The following TCF12 variants were observed in gnomAD, a reference collection of about 807,000 sequenced individuals.
TCF12 encodes transcription factor 12, also known as DNA-binding protein HTF4.
TCF12 carries 45 observed loss-of-function variants against 86.0 expected under a neutral mutation model. That is an observed-to-expected ratio of 0.52 (90% CI 0.41 to 0.67). TCF12 has a LOEUF of 0.67. TCF12 is among the 30% of genes least tolerant of loss of function. The pLI is 0.00. For missense variants in TCF12, 881 were observed against 859.9 expected, an observed-to-expected ratio of 1.02 and a Z score of -0.31; for synonymous variants, 330 against 299.6, an observed-to-expected ratio of 1.10 and a Z score of -1.05.
At chr15:57,218,920 T>A in intron 8 of TCF12, 1 of 527,284 alleles carries the variant, frequency 1.9e-6, no homozygotes, top group Non-Finnish European at 2.5e-6. Flanking sequence ...CATGATGGTC[T>A]GCTTTCTCCA....
At chr15:57,027,723 C>T (rs753619072) in intron 3 of TCF12, among the ~76,000 whole-genome samples, 28 of 152,136 alleles carry the variant, frequency 1.8e-4, no homozygotes, top group Non-Finnish European at 1.0e-4. Context: ...TGAACTGTAG[C>T]TCCCATAATC....
intron 3 of TCF12, among the ~76,000 whole-genome samples, chr15:56,977,840 A>G (rs1247498064): frequency 3.3e-5 from 5 of 152,128 alleles, no homozygotes; most frequent in African/African-American, 1.2e-4. Flanking sequence ...TATCAGAATC[A>G]CCTGGAGGAT....
At position 57,247,502 on chromosome 15, in the gene TCF12, A is replaced by G. The variant is rs187021085; in HGVS notation, c.1115-3848A>G. ...AATAGTGTGGCATTTCTGAACAACA[A>G]TTTTATCAACTGTATCATGATCATC... On this transcript the variant is annotated intron_variant, in intron 13 of 20. Coordinates refer to ENST00000333725, the MANE Select transcript of TCF12 (RefSeq NM_207037.2). 119 of 814,972 alleles carry G rather than the reference A, an allele frequency of 1.5e-4. No individual in the cohort carries two copies. In the East Asian group the frequency reaches 2.2e-3, roughly 15 times the overall value. The allele number at this position is 814,972 out of a possible 1,614,324, so 50.5% of individuals were successfully genotyped here.
In TCF12 at chr15:57,096,850, T is replaced by C. The variant is rs185464223; in HGVS notation, c.325+4959T>C. Among the ~76,000 whole-genome samples, 846 of 152,296 alleles carry C rather than the reference T, an allele frequency of 5.6e-3. 9 individuals carry two copies. Among genetic ancestry groups the C allele is most frequent in the African/African-American group, 0.02 (811 of 41,554 alleles). On this transcript the variant is annotated intron_variant, in intron 5 of 20. Transcript: ENST00000333725. ...AACTCATTTAACAGGTTGGGTCTAA[T>C]TGCTCAAGTATATTACTGTCAAACC...
chr15:57,004,440 G>A (rs1348690072), intron 3 of TCF12, among the ~76,000 whole-genome samples: 2 of 151,788 alleles, frequency 1.3e-5, no homozygotes, highest in African/African-American at 4.8e-5. Context: ...GCGGAGTCTA[G>A]CTCTGTCGCC....
intron 7 of TCF12, among the ~76,000 whole-genome samples, chr15:57,195,081 T>G (rs543786517): frequency 1.3e-5 from 2 of 152,246 alleles, no homozygotes; most frequent in Non-Finnish European, 2.9e-5. Context: ...TTTTGTATTT[T>G]TAGTAGAGAA....
chr15:57,182,104 C>G (rs1294870018), intron 6 of TCF12, among the ~76,000 whole-genome samples: 3 of 152,132 alleles, frequency 2.0e-5, no homozygotes, highest in Admixed American at 6.5e-5. Context: ...TCTATATCCT[C>G]TGGGATCGTT....
chr15:57,094,734 A>G (rs1451140595), intron 5 of TCF12, among the ~76,000 whole-genome samples: 2 of 152,246 alleles, frequency 1.3e-5, no homozygotes, highest in Non-Finnish European at 2.9e-5. Context: ...TAAAACTAAT[A>G]GGAAAGCAGT....
intron 16 of TCF12, among the ~76,000 whole-genome samples, chr15:57,260,326 A>T (rs1415063539): frequency 6.6e-6 from 1 of 152,214 alleles, no homozygotes; most frequent in African/African-American, 2.4e-5. Context: ...CTGATGAAGT[A>T]AAAGGAAATC....
At chr15:57,156,064 C>G (rs1415512737) in intron 5 of TCF12, among the ~76,000 whole-genome samples, 3 of 152,164 alleles carry the variant, frequency 2.0e-5, no homozygotes, top group Admixed American at 2.0e-4. Flanking sequence ...ATACTGACTT[C>G]AGTTTGCTGT....
chr15:57,104,130 G>T (rs1051633127), intron 5 of TCF12, among the ~76,000 whole-genome samples: 2 of 152,224 alleles, frequency 1.3e-5, no homozygotes, highest in African/African-American at 4.8e-5. Context: ...AAAATCTAAA[G>T]AATATCAAAA....
At chr15:56,938,046 T>C (rs2060548477) in intron 3 of TCF12, among the ~76,000 whole-genome samples, 1 of 70,918 alleles carries the variant, frequency 1.4e-5, no homozygotes, top group South Asian at 4.7e-4. Context: ...GTTTCTTTTC[T>C]TTTTTTTTTT....
intron 5 of TCF12, among the ~76,000 whole-genome samples, chr15:57,149,045 AAAT>A (rs2053566456): frequency 6.6e-6 from 1 of 152,224 alleles, no homozygotes; most frequent in Non-Finnish European, 1.5e-5. Context: ...TTTTCAGTAT[AAAT>A]TTTACTGTTA....
At chr15:57,166,632 C>T (rs1271331179) in intron 6 of TCF12, among the ~76,000 whole-genome samples, 166 bp downstream of exon 6, 2 of 152,148 alleles carry the variant, frequency 1.3e-5, no homozygotes, top group Admixed American at 1.3e-4. Context: ...TTTCAGTTCC[C>T]CAGTTTACCA....
chr15:57,024,048 C>T (rs1351846049), intron 3 of TCF12, among the ~76,000 whole-genome samples: 3 of 152,034 alleles, frequency 2.0e-5, no homozygotes, highest in Admixed American at 6.6e-5. Context: ...TACTGTGGAG[C>T]CTGGTTCCTA....
chr15:57,101,479 CG>C (rs1441796841), intron 5 of TCF12, among the ~76,000 whole-genome samples: 1 of 152,182 alleles, frequency 6.6e-6, no homozygotes, highest in Non-Finnish European at 1.5e-5. Flanking sequence ...CAAAGTGCTA[CG>C]ATTACAAGCG....
chr15:56,983,714 C>CA (rs1383120180), intron 3 of TCF12, among the ~76,000 whole-genome samples: 8 of 151,688 alleles, frequency 5.3e-5, no homozygotes, highest in African/African-American at 1.9e-4. Context: ...GGATTTTGTT[C>CA]AAGGGGCTAG....
intron 3 of TCF12, among the ~76,000 whole-genome samples, chr15:56,949,730 A>G (rs1028036346): frequency 3.9e-5 from 6 of 152,146 alleles, no homozygotes; most frequent in Non-Finnish European, 7.3e-5. Context: ...CTTCTGGAAG[A>G]GCTAATTTGT....
chr15:57,049,797 C>T (rs1037431798), intron 3 of TCF12, among the ~76,000 whole-genome samples: 5 of 152,142 alleles, frequency 3.3e-5, no homozygotes, highest in South Asian at 2.1e-4. Context: ...GATTTTACTG[C>T]GACAGTTGTA....
Sources: allele counts gnomAD v4.1 joint callset (sites outside exome capture counted in the v4.1 genomes callset), GRCh38; gene constraint gnomAD v4.1.1; transcripts MANE v1.5; gene names NCBI Gene and HGNC (gene_info 2026-07-23, HGNC 2026-07-21).